Variants in SMARCA4 observed in about 807,000 individuals in gnomAD.
SMARCA4 encodes the protein SWI/SNF-related matrix-associated actin-dependent regulator of chromatin subfamily A member 4.
Under a neutral mutation model 193.9 loss-of-function variants are expected in SMARCA4, and 31 were observed. The observed-to-expected ratio is 0.16, with a 90% CI of 0.12 to 0.22. The LOEUF is 0.22. Ranked by LOEUF, SMARCA4 falls within the 10% of genes least tolerant of loss-of-function variation. The pLI, the probability that SMARCA4 is intolerant of heterozygous loss-of-function variation, is 1.00. For synonymous variants in SMARCA4, 942 were observed against 933.1 expected (o/e 1.01, Z -0.17); for missense variants, 1,148 against 2,296.0 (o/e 0.50, Z 10.22).
intron 16 of SMARCA4, among the ~76,000 whole-genome samples, chr19:11,014,542 CCT>C (rs777573570): frequency 8.5e-5 from 13 of 152,296 alleles, no homozygotes; most frequent in South Asian, 2.1e-4. Context: ...AGCTCTGTCC[CCT>C]GTCTGTGTCT....
intron 8 of SMARCA4, 107 bp downstream of exon 8, chr19:10,991,430 GTC>G (rs2086554271): frequency 1.3e-6 from 2 of 1,514,926 alleles, no homozygotes; most frequent in South Asian, 1.2e-5. Context: ...CATGCTGCTT[GTC>G]TCTCTCTTTT....
chr19:11,000,407 A>G lies in SMARCA4; in HGVS notation c.1813-2622A>G, dbSNP rs79351488. On this transcript the variant is annotated intron_variant, in intron 11 of 34. Transcript: ENST00000344626. Reference sequence around the variant, plus strand: ...AACCAGGCTTGGTGCGCACGCCTGTAGTCCCACCTACTCGAGAGGCTGAGG... The same window carrying G: ...AACCAGGCTTGGTGCGCACGCCTGTGGTCCCACCTACTCGAGAGGCTGAGG... Among the ~76,000 whole-genome samples, 505 of 152,030 alleles carry G rather than the reference A, an allele frequency of 3.3e-3. 1 individual carries two copies. Among genetic ancestry groups the G allele is most frequent in the African/African-American group, 0.012 (477 of 41,456 alleles).
intron 14 of SMARCA4, chr19:11,008,423 G>GT (rs541790560): frequency 3.2e-5 from 11 of 343,282 alleles, no homozygotes; most frequent in African/African-American, 2.1e-4. Context: ...CATATCTCCA[G>GT]TGTACATTGG....
chr19:10,978,005 A>C (rs1217905635), intron 1 of SMARCA4, among the ~76,000 whole-genome samples: 1 of 152,216 alleles, frequency 6.6e-6, no homozygotes. Context: ...TCAGCTGGCC[A>C]GCAGGACCAC....
intron 9 of SMARCA4, chr19:10,995,290 G>T: frequency 1.7e-6 from 1 of 586,794 alleles, no homozygotes; most frequent in Non-Finnish European, 3.2e-6. Context: ...AGAGCCAGGT[G>T]GTGTGATCCA....
intron 34 of SMARCA4, 26 bp from the exon 35 acceptor site, chr19:11,061,758 A>T (rs1600666389): frequency 6.2e-7 from 1 of 1,612,216 alleles, no homozygotes; most frequent in African/African-American, 1.3e-5. Context: ...GCCAACGCAC[A>T]CTCTCTCCTC....
At chr19:11,037,707 G>T (rs765580766) in intron 29 of SMARCA4, among the ~76,000 whole-genome samples, 30 of 151,070 alleles carry the variant, frequency 2.0e-4, no homozygotes, top group Non-Finnish European at 1.3e-4. Context: ...GCCTATCCAA[G>T]GTCACGAAGA....
rs939033260 is a variant in SMARCA4, at chr19:10,996,215, T to C, written c.1596T>C (p.Ala532=). ...CAGTAACCCCCATGCTTTTGTAGGC[T>C]GAAGATGAGGAGGGGTACCGCAAGC... ...IEKERMRRLM[A]EDEEGYRKLI... Residue 532 remains alanine, a splice_region_variant and synonymous_variant, in exon 10 of 35, where the codon GCT becomes GCC. Transcript: ENST00000344626. The C allele has an allele frequency of 2.7e-5, 44 of 1,614,106 alleles. No homozygotes were observed. The highest frequency in any genetic ancestry group is 3.5e-5 in the Non-Finnish European group (41 of 1,179,966).
rs763383326 is a variant in SMARCA4, at chr19:10,985,269, G to A, written c.223-4G>A. 100 of 1,613,688 alleles carry A rather than the reference G, an allele frequency of 6.2e-5. No homozygotes were observed. In the Admixed American group the frequency reaches 9.3e-4, roughly 15 times the overall value. On this transcript the variant is annotated splice_polypyrimidine_tract_variant and splice_region_variant and intron_variant, in intron 2 of 34. Coordinates refer to ENST00000344626, the MANE Select transcript of SMARCA4 (RefSeq NM_003072.5). This position sits in a 1 kb window ranked among gnomAD's most constrained non-coding sequence, Gnocchi z 4.5. ...ACCCTGCCTTGCCATGGTCCCTCTC[G>A]CAGCCCATGGAGTCCATGCATGAGA...
chr19:11,042,279 G>A (rs868513990), intron 30 of SMARCA4, among the ~76,000 whole-genome samples: 3 of 152,190 alleles, frequency 2.0e-5, no homozygotes, highest in Non-Finnish European at 2.9e-5. Flanking sequence ...ATCCTTTTCC[G>A]TGAGCGACTC....
At chr19:10,962,873 C>G (rs916968737) in intron 1 of SMARCA4, among the ~76,000 whole-genome samples, 3 of 152,136 alleles carry the variant, frequency 2.0e-5, no homozygotes. Flanking sequence ...CCACCTCGGA[C>G]TAGCCATTGT....
At position 10,996,238 on chromosome 19, in the gene SMARCA4, A is replaced by G. The variant is rs778357380; in HGVS notation, c.1619A>G (p.Lys540Arg). ...LMAEDEEGYR[K>R]LIDQKKDKRL... ...GCTGAAGATGAGGAGGGGTACCGCAAGCTCATCGACCAGAAGAAGGACAAG... is the reference window on the plus strand; with the variant it reads ...GCTGAAGATGAGGAGGGGTACCGCAGGCTCATCGACCAGAAGAAGGACAAG... Residue 540 changes from lysine to arginine, a missense_variant, in exon 10 of 35, where the codon AAG (lysine) becomes AGG (arginine). By Grantham distance (26) the Lys-to-Arg change is conservative. Coordinates refer to ENST00000344626, the MANE Select transcript of SMARCA4 (RefSeq NM_003072.5). 3 of 1,614,246 alleles carry G rather than the reference A, an allele frequency of 1.9e-6. No homozygotes were observed. In the South Asian group the frequency reaches 3.3e-5, roughly 18 times the overall value.
At chr19:11,013,935 C>T (rs1019732458) in intron 16 of SMARCA4, among the ~76,000 whole-genome samples, 11 of 152,026 alleles carry the variant, frequency 7.2e-5, no homozygotes, top group Admixed American at 3.3e-4. Context: ...CCACCTCTCT[C>T]GACATCTCTC....
chr19:10,986,812 C>T lies in SMARCA4; in HGVS notation c.761-93C>T. The T allele has an allele frequency of 7.9e-7, 1 of 1,270,768 alleles. No individual in the cohort carries two copies. The highest frequency in any genetic ancestry group is 2.0e-4 in the Middle Eastern group (1 of 5,044). 78.7% of individuals were successfully genotyped at this position (1,270,768 alleles called of 1,614,324 possible). On this transcript the variant is annotated intron_variant, in intron 4 of 34. Transcript: ENST00000344626. This position sits in a 1 kb window ranked among gnomAD's most constrained non-coding sequence, Gnocchi z 6.7. Reference sequence around the variant, plus strand: ...GGCCGCTGGTTAATAGGTGTATCTGCTGTGTCCCCTGGAGCCAGGGCTGCC... The same window carrying T: ...GGCCGCTGGTTAATAGGTGTATCTGTTGTGTCCCCTGGAGCCAGGGCTGCC...
intron 8 of SMARCA4, 80 bp from the exon 9 acceptor site, chr19:10,994,748 A>G (rs2145933102): frequency 7.8e-7 from 1 of 1,284,776 alleles, no homozygotes; most frequent in Non-Finnish European, 1.1e-6. Flanking sequence ...CCAATATTCT[A>G]GGTTTTAAAC....
rs113870824 is a variant in SMARCA4 at position 10,989,305 on chromosome 19, C to G, written c.1119-12C>G. On this transcript the variant is annotated splice_polypyrimidine_tract_variant and intron_variant, in intron 6 of 34. Coordinates refer to ENST00000344626, the MANE Select transcript of SMARCA4 (RefSeq NM_003072.5). ...CCCTCTCACCGCCTTTGCTCCTTGT[C>G]TCTGCTCCCAGGCTGCAGGCTCGCA... The G allele has an allele frequency of 3.1e-6, 5 of 1,613,814 alleles. No individual in the cohort carries two copies. The highest frequency in any genetic ancestry group is 3.4e-6 in the Non-Finnish European group (4 of 1,179,870).
rs191960943 is a variant in SMARCA4 at position 10,971,868 on chromosome 19, C to T, written c.-32+10694C>T. ...TGCGATCTTGGCTCACTCCAACCTC[C>T]GCCTCCCGGGTTCAAGCGATTTCAA... is the stretch of plus-strand genomic sequence containing the variant. On this transcript the variant is annotated intron_variant, in intron 1 of 34. Transcript: ENST00000344626. Among the ~76,000 whole-genome samples, 135 of 151,766 alleles carry T rather than the reference C, an allele frequency of 8.9e-4. 1 individual carries two copies. The highest frequency in any genetic ancestry group is 2.0e-3 in the Admixed American group (31 of 15,202).
intron 1 of SMARCA4, among the ~76,000 whole-genome samples, chr19:10,978,273 T>A (rs1411240733): frequency 2.0e-5 from 3 of 152,220 alleles, no homozygotes; most frequent in African/African-American, 7.2e-5. Flanking sequence ...CCCAGAAATG[T>A]TAAACCTCAA....
chr19:11,045,223 G>A (rs2075831614), intron 30 of SMARCA4, among the ~76,000 whole-genome samples: 1 of 152,228 alleles, frequency 6.6e-6, no homozygotes, highest in Admixed American at 6.5e-5. Flanking sequence ...GGGAGGCTGA[G>A]GCGGGAGAAT....
Sources: allele counts gnomAD v4.1 joint callset (sites outside exome capture counted in the v4.1 genomes callset), GRCh38; gene constraint gnomAD v4.1.1; non-coding constraint Gnocchi (gnomAD v3.1); transcripts MANE v1.5; gene names NCBI Gene and HGNC (gene_info 2026-07-23, HGNC 2026-07-21).